PCDH7: variants seen among roughly 807,000 people sequenced by gnomAD.
PCDH7 encodes the protein protocadherin-7.
A neutral mutation model predicts 58.9 loss-of-function variants in PCDH7; 17 were observed. The ratio of observed to expected loss-of-function variants is 0.29; its 90% CI spans 0.20 to 0.43. The LOEUF is 0.43. Among genes scored for constraint, PCDH7 ranks in the 20% least tolerant of loss-of-function variants. The pLI is 1.00. For synonymous variants in PCDH7, 664 were observed against 616.4 expected (o/e 1.08, Z -1.14); for missense variants, 1,274 against 1,441.0 (o/e 0.88, Z 1.88).
At chr4:30,786,550 T>C (rs1373078097) in intron 1 of PCDH7, among the ~76,000 whole-genome samples, 3 of 151,970 alleles carry the variant, frequency 2.0e-5, no homozygotes, top group South Asian at 2.1e-4. Flanking sequence ...TTGTTAATTG[T>C]AGTGAGGACT....
chr4:30,774,635 A>G (rs757687572), intron 1 of PCDH7, among the ~76,000 whole-genome samples: 8 of 152,196 alleles, frequency 5.3e-5, no homozygotes, highest in Non-Finnish European at 1.0e-4. Flanking sequence ...AAAGTATGCA[A>G]TACTTTTCAT....
intron 3 of PCDH7, among the ~76,000 whole-genome samples, chr4:31,028,084 T>C: frequency 1.3e-5 from 2 of 152,310 alleles, no homozygotes; most frequent in South Asian, 4.1e-4. Context: ...AGAGAAATAC[T>C]CTAGAAAGTA....
At chr4:31,057,174 A>G (rs1404430388) in intron 3 of PCDH7, among the ~76,000 whole-genome samples, 1 of 152,172 alleles carries the variant, frequency 6.6e-6, no homozygotes, top group East Asian at 1.9e-4. Context: ...TTTTACTTTC[A>G]TAAGTAGAAA....
At chr4:30,749,773 G>A (rs1355146728) in intron 1 of PCDH7, among the ~76,000 whole-genome samples, 1 of 152,066 alleles carries the variant, frequency 6.6e-6, no homozygotes, top group Non-Finnish European at 1.5e-5. Flanking sequence ...GTAATAAAAG[G>A]AAGTTTAGTT....
At chr4:31,092,965 T>G (rs768591130) in intron 3 of PCDH7, among the ~76,000 whole-genome samples, 10 of 152,250 alleles carry the variant, frequency 6.6e-5, no homozygotes, top group Non-Finnish European at 1.3e-4. Context: ...CTGTCATTTA[T>G]CTTGTATCTG....
At chr4:30,724,653 C>T (rs754396580) in intron 1 of PCDH7, 57 bp downstream of exon 1, 2 of 1,554,546 alleles carry the variant, frequency 1.3e-6, no homozygotes, top group Middle Eastern at 1.7e-4. Flanking sequence ...AACTCTGAGA[C>T]AGATTATCTT....
intron 1 of PCDH7, among the ~76,000 whole-genome samples, chr4:30,780,338 C>G (rs1722615543): frequency 6.6e-6 from 1 of 151,954 alleles, no homozygotes; most frequent in African/African-American, 2.4e-5. Context: ...AAACCCCCAT[C>G]TCTACTAAAA....
intron 3 of PCDH7, among the ~76,000 whole-genome samples, chr4:31,103,545 C>T (rs1286225127): frequency 2.0e-5 from 3 of 152,004 alleles, no homozygotes; most frequent in Non-Finnish European, 4.4e-5. Flanking sequence ...ACCATGTTGG[C>T]CAGGCTGATC....
At chr4:30,815,565 C>T (rs1343502555) in intron 1 of PCDH7, among the ~76,000 whole-genome samples, 4 of 152,274 alleles carry the variant, frequency 2.6e-5, no homozygotes, top group Non-Finnish European at 4.4e-5. Context: ...TGTGGCCTGC[C>T]AGCTTTGGGG....
intron 1 of PCDH7, among the ~76,000 whole-genome samples, chr4:30,902,532 A>G (rs1247025705): frequency 1.3e-5 from 2 of 152,186 alleles, no homozygotes; most frequent in Non-Finnish European, 2.9e-5. Flanking sequence ...CAGGGAGCAG[A>G]AACACTGGTG....
At chr4:30,724,262 T>C (rs777009416) in exon 1 of PCDH7, 22 of 1,613,490 alleles carry the variant, frequency 1.4e-5, no homozygotes, top group Non-Finnish European at 1.8e-5. Flanking sequence ...AAGCAGCCTC[T>C]CTACAGCAGC....
intron 3 of PCDH7, among the ~76,000 whole-genome samples, chr4:31,097,638 A>ATATATATATATATATAAAATC (rs370034723): frequency 3.8e-5 from 3 of 79,246 alleles, no homozygotes; most frequent in South Asian, 4.3e-4. Flanking sequence ...ATATATATAT[A>ATATATATATATATATAAAATC]AATCTTTTTT....
chr4:31,125,611 C>T (rs557426576), intron 3 of PCDH7, among the ~76,000 whole-genome samples: 75 of 152,166 alleles, frequency 4.9e-4, no homozygotes, highest in African/African-American at 1.8e-3. Context: ...TTATCTTTTC[C>T]CAGGCTAATG....
At chr4:31,114,617 ACACT>A (rs1262560528) in intron 3 of PCDH7, among the ~76,000 whole-genome samples, 3 of 139,180 alleles carry the variant, frequency 2.2e-5, no homozygotes, top group Non-Finnish European at 4.6e-5. Flanking sequence ...CACCATGCAC[ACACT>A]CACACATACA....
At chr4:30,771,575 A>G (rs1403392849) in intron 1 of PCDH7, among the ~76,000 whole-genome samples, 1 of 152,194 alleles carries the variant, frequency 6.6e-6, no homozygotes, top group Non-Finnish European at 1.5e-5. Flanking sequence ...CACAGAAAAG[A>G]AAAGTACACA....
chr4:30,905,153 G>T (rs563460424), intron 1 of PCDH7, among the ~76,000 whole-genome samples: 2 of 152,280 alleles, frequency 1.3e-5, no homozygotes, highest in Admixed American at 6.5e-5. Flanking sequence ...TGGGACAATT[G>T]ATTCCAATGC....
At chr4:30,957,837 TC>T (rs1279597323) in intron 3 of PCDH7, among the ~76,000 whole-genome samples, 1 of 152,134 alleles carries the variant, frequency 6.6e-6, no homozygotes, top group African/African-American at 2.4e-5. Context: ...AAAGTTACTT[TC>T]GGCTAACGCA....
At chr4:31,061,758 G>T (rs941096945) in intron 3 of PCDH7, among the ~76,000 whole-genome samples, 1 of 151,674 alleles carries the variant, frequency 6.6e-6, no homozygotes, top group Non-Finnish European at 1.5e-5. Flanking sequence ...AAAGTATGGA[G>T]ATTGAAAGTG....
intron 3 of PCDH7, among the ~76,000 whole-genome samples, chr4:31,033,989 G>T (rs1755175617): frequency 6.6e-6 from 1 of 152,082 alleles, no homozygotes. Context: ...AGCTATTCAG[G>T]AGGCTGAGGC....
Sources: allele counts gnomAD v4.1 joint callset (sites outside exome capture counted in the v4.1 genomes callset), GRCh38; gene constraint gnomAD v4.1.1; transcripts MANE v1.5; gene names NCBI Gene and HGNC (gene_info 2026-07-23, HGNC 2026-07-21).